Variants in COL11A1 observed in about 807,000 individuals in gnomAD.
COL11A1 encodes the protein collagen alpha-1(XI) chain.
Under a neutral mutation model 265.2 loss-of-function variants are expected in COL11A1, and 74 were observed. The observed-to-expected ratio is 0.28, with a 90% confidence interval of 0.23 to 0.34. The LOEUF is 0.34. Ranked by LOEUF, COL11A1 falls within the 10% of genes least tolerant of loss-of-function variation. The pLI, the probability that COL11A1 is intolerant of heterozygous loss-of-function variation, is 1.00. For synonymous variants in COL11A1, 816 were observed against 727.6 expected (o/e 1.12, Z -1.96); for missense variants, 2,165 against 2,263.6 (o/e 0.96, Z 0.88).
intron 20 of COL11A1, among the ~76,000 whole-genome samples, chr1:103,004,066 T>C (rs1436789606): frequency 6.6e-6 from 1 of 152,162 alleles, no homozygotes; most frequent in Admixed American, 6.5e-5. Context: ...ATTCCATATG[T>C]CTGGTATATT....
At position 102,997,196 on chromosome 1, in the gene COL11A1, T is replaced by C. The variant is rs574932816; in HGVS notation, c.2197-72A>G. ...GTTGATAATACTACGAAAGTATTTCTTTTGTTATTAAATCTACTAAGATCT... is the reference window on the plus strand; with the variant it reads ...GTTGATAATACTACGAAAGTATTTCCTTTGTTATTAAATCTACTAAGATCT... On this transcript the variant is annotated intron_variant, in intron 25 of 66. Transcript: ENST00000370096. 45 of 1,319,036 alleles carry C rather than the reference T, an allele frequency of 3.4e-5. No homozygotes were observed. The South Asian group carries it at 3.9e-4, about 11-fold the overall frequency. 81.7% of individuals were successfully genotyped at this position (1,319,036 alleles called of 1,614,324 possible).
intron 38 of COL11A1, among the ~76,000 whole-genome samples, chr1:102,963,026 A>T (rs1661070900): frequency 6.6e-6 from 1 of 152,180 alleles, no homozygotes; most frequent in South Asian, 2.1e-4. Flanking sequence ...TGCTTAATAC[A>T]ATAATTTCTG....
intron 1 of COL11A1, among the ~76,000 whole-genome samples, chr1:103,106,318 T>C (rs1453826958): frequency 6.6e-6 from 1 of 152,212 alleles, no homozygotes; most frequent in Non-Finnish European, 1.5e-5. Flanking sequence ...TCAGTTCCTA[T>C]AATTTTCAAT....
At chr1:102,895,166 C>A (rs556903001) in intron 57 of COL11A1, among the ~76,000 whole-genome samples, 46 of 152,160 alleles carry the variant, frequency 3.0e-4, no homozygotes, top group African/African-American at 1.1e-3. Context: ...ATAGTGTGGG[C>A]AGACACCAAG....
intron 25 of COL11A1, among the ~76,000 whole-genome samples, chr1:102,997,507 A>G (rs1226390771): frequency 6.6e-6 from 1 of 152,020 alleles, no homozygotes; most frequent in Non-Finnish European, 1.5e-5. Flanking sequence ...TGCACCTTCA[A>G]AGGGGCACTA....
chr1:102,883,308 T>C lies in COL11A1; in HGVS notation c.4862A>G (p.Glu1621Gly), dbSNP rs769627169. ...QLSHPDFPDG[E>G]YWIDPNQGCS... Reference sequence around the variant, plus strand: ...ACCTTGGTTAGGATCAATCCAATATTCACCTAGAAGGTAGCAAAAAATATG... The same window carrying C: ...ACCTTGGTTAGGATCAATCCAATATCCACCTAGAAGGTAGCAAAAAATATG... The change falls in exon 64 of 67, where the codon GAA (glutamate) becomes GGA (glycine). Residue 1621 changes from glutamate (E) to glycine (G), a missense_variant. Transcript: ENST00000370096. The C allele has an allele frequency of 6.2e-7, 1 of 1,606,424 alleles. No homozygotes were observed. Among genetic ancestry groups the C allele is most frequent in the Admixed American group, 1.7e-5 (1 of 59,974 alleles).
At chr1:103,046,667 T>C (rs1396748962) in intron 4 of COL11A1, among the ~76,000 whole-genome samples, 1 of 151,476 alleles carries the variant, frequency 6.6e-6, no homozygotes, top group Non-Finnish European at 1.5e-5. Context: ...GTTTTAGACA[T>C]GAAGTCCTTG....
intron 4 of COL11A1, among the ~76,000 whole-genome samples, chr1:103,062,177 A>T (rs1038392717): frequency 6.6e-6 from 1 of 151,998 alleles, no homozygotes; most frequent in Non-Finnish European, 1.5e-5. Flanking sequence ...AGAAGATTGA[A>T]TCAAAAATTA....
At chr1:103,090,144 A>AATAC (rs1553255186) in intron 1 of COL11A1, among the ~76,000 whole-genome samples, 3 of 151,558 alleles carry the variant, frequency 2.0e-5, no homozygotes, top group African/African-American at 7.3e-5. Flanking sequence ...TAAATAAATA[A>AATAC]ATAATAAAAT....
intron 48 of COL11A1, 26 bp downstream of exon 48, chr1:102,921,492 A>G: frequency 6.3e-7 from 1 of 1,575,878 alleles, no homozygotes; most frequent in Non-Finnish European, 8.7e-7. Flanking sequence ...CTTCAAAATA[A>G]TTAACATATA....
At chr1:102,914,515 A>G (rs1002222630) in intron 51 of COL11A1, 110 bp from the exon 52 acceptor site, 8 of 1,148,358 alleles carry the variant, frequency 7.0e-6, no homozygotes, top group African/African-American at 4.7e-5. Context: ...TGCTGAGAAT[A>G]TTTCTCTTCT....
intron 25 of COL11A1, 121 bp from the exon 26 acceptor site, chr1:102,997,245 T>A: frequency 2.1e-6 from 2 of 933,582 alleles, no homozygotes; most frequent in Non-Finnish European, 3.5e-6. Flanking sequence ...TCAAAAACAT[T>A]GAACACTTTT....
At chr1:102,998,410 A>C in intron 24 of COL11A1, 47 bp from the exon 25 acceptor site, 1 of 1,391,484 alleles carries the variant, frequency 7.2e-7, no homozygotes, top group Non-Finnish European at 9.7e-7. Context: ...TAATTTTAAA[A>C]AGCTTTAACG....
Position 103,001,915 on chromosome 1 carries a change from A to G in COL11A1, c.2142+10T>C. On this transcript the variant is annotated intron_variant, in intron 24 of 66. Transcript: ENST00000370096. ...TCACCAGGCTTTACGAGAACAACAGAGTAACTTACTTTTTCACCAGGAGGA... is the reference window on the plus strand; with the variant it reads ...TCACCAGGCTTTACGAGAACAACAGGGTAACTTACTTTTTCACCAGGAGGA... 11 of 1,612,912 alleles carry G rather than the reference A, an allele frequency of 6.8e-6. No homozygotes were observed. The highest frequency in any genetic ancestry group is 9.3e-6 in the Non-Finnish European group (11 of 1,178,962).
intron 1 of COL11A1, among the ~76,000 whole-genome samples, chr1:103,104,303 C>A (rs115081784): frequency 5.3e-4 from 81 of 152,092 alleles, no homozygotes; most frequent in African/African-American, 1.9e-3. Context: ...AAAGGTGACT[C>A]TTTATACAAT....
At chr1:102,888,351 AAAC>A (rs1651269785) in intron 62 of COL11A1, among the ~76,000 whole-genome samples, 1 of 152,196 alleles carries the variant, frequency 6.6e-6, no homozygotes, top group Non-Finnish European at 1.5e-5. Flanking sequence ...AAAATAATAA[AAAC>A]AAGACTATAA....
At chr1:103,073,423 G>A (rs1671731257) in intron 4 of COL11A1, among the ~76,000 whole-genome samples, 1 of 151,542 alleles carries the variant, frequency 6.6e-6, no homozygotes, top group Non-Finnish European at 1.5e-5. Flanking sequence ...ATATTTATTT[G>A]CCTAATGAAT....
intron 4 of COL11A1, among the ~76,000 whole-genome samples, chr1:103,052,267 A>G (rs1669897345): frequency 6.6e-6 from 1 of 152,162 alleles, no homozygotes; most frequent in Non-Finnish European, 1.5e-5. Flanking sequence ...AATTCTAAAA[A>G]AAACCTTAAT....
In COL11A1 at chr1:103,045,307, G is replaced by C. The variant is rs190690352; in HGVS notation, c.652-14063C>G. Among the ~76,000 whole-genome samples, 71 of 152,252 alleles carry C rather than the reference G, an allele frequency of 4.7e-4. 1 individual carries two copies. Among genetic ancestry groups the C allele is most frequent in the African/African-American group, 1.7e-3 (70 of 41,562 alleles). ...GGTGGCACACTTCATTCATTCATTT[G>C]TTCTTTTGGCCAGGTGCTACTTGAA... On this transcript the variant is annotated intron_variant, in intron 4 of 66. Transcript: ENST00000370096.
Sources: gnomAD v4.1 joint callset for allele counts (sites outside exome capture counted in the v4.1 genomes callset) on GRCh38, gnomAD v4.1.1 for gene constraint, MANE v1.5 for transcripts, NCBI Gene and HGNC (gene_info 2026-07-23, HGNC 2026-07-21) for gene names.